The following PTER variants were observed in gnomAD, a reference collection of about 807,000 sequenced individuals.
PTER encodes the protein phosphotriesterase related.
A neutral mutation model predicts 29.6 loss-of-function variants in PTER; 38 were observed. That is an observed-to-expected ratio of 1.28 (90% CI 0.99 to 1.68). The LOEUF is 1.68. Among genes scored for constraint, PTER ranks in the 40% most tolerant of loss-of-function variants. The pLI, the probability that PTER is intolerant of heterozygous loss-of-function variation, is 0.00. For missense variants in PTER, 482 were observed against 427.8 expected (o/e 1.13, Z -1.12); for synonymous variants, 172 against 154.5 (o/e 1.11, Z -0.84).
intron 4 of PTER, among the ~76,000 whole-genome samples, chr10:16,506,627 T>G (rs1298927449): frequency 6.6e-6 from 1 of 152,104 alleles, no homozygotes; most frequent in African/African-American, 2.4e-5. Context: ...GAAAGGATGC[T>G]TTCTCCATGG....
rs537224124 is a variant in PTER, at chr10:16,451,616, G to C, written c.-49+14569G>C. On this transcript the variant is annotated intron_variant, in intron 1 of 4. Transcript: ENST00000535784. ...AATCCCAGCTACTCAGGAGGCTGAG[G>C]CAGGAGAATCACTTGAACCCGGGAG... Among the ~76,000 whole-genome samples, 214 of 152,292 alleles carry C rather than the reference G, an allele frequency of 1.4e-3. 6 individuals carry two copies. The South Asian group carries it at 0.044, about 31-fold the overall frequency.
At chr10:16,440,616 G>C (rs1414112364) in intron 1 of PTER, among the ~76,000 whole-genome samples, 1 of 152,126 alleles carries the variant, frequency 6.6e-6, no homozygotes, top group Non-Finnish European at 1.5e-5. Context: ...CTAACGAAAC[G>C]CAAGTGGAGT....
downstream of PTER, among the ~76,000 whole-genome samples, chr10:16,516,910 G>A (rs58315377): frequency 1.3e-5 from 2 of 152,128 alleles, no homozygotes; most frequent in South Asian, 2.1e-4. Flanking sequence ...ATACTGTACC[G>A]TAAGACTGTC....
In PTER at chr10:16,512,619, GA is replaced by G. The variant is rs1217746696; in HGVS notation, c.*1364del. 6.6e-6 allele frequency: 1 copy of G among 151,966 alleles called. No homozygotes were observed. Among genetic ancestry groups the G allele is most frequent in the Non-Finnish European group, 1.5e-5 (1 of 67,954 alleles). 9.4% of individuals were successfully genotyped at this position (151,966 alleles called of 1,614,324 possible). On this transcript the variant is annotated 3_prime_UTR_variant, in exon 5 of 5. Transcript: ENST00000535784. Reference sequence around the variant, plus strand: ...GGAAGTTGAGCTTTGCTAAATAAAAGATATTTCTGCTGATCAAAGATGATCA... The same window carrying G: ...GGAAGTTGAGCTTTGCTAAATAAAAGTATTTCTGCTGATCAAAGATGATCA...
intron 3 of PTER, among the ~76,000 whole-genome samples, chr10:16,503,956 A>G (rs182112112): frequency 6.6e-6 from 1 of 152,292 alleles, no homozygotes; most frequent in Admixed American, 6.5e-5. Flanking sequence ...CCAATTTCCG[A>G]TCCGAAACGA....
intron 3 of PTER, among the ~76,000 whole-genome samples, chr10:16,491,675 A>G (rs1384459023): frequency 6.6e-6 from 1 of 152,160 alleles, no homozygotes; most frequent in Non-Finnish European, 1.5e-5. Flanking sequence ...AACCAAAAAA[A>G]AAGATCTGAG....
chr10:16,471,562 A>G (rs778573489), intron 1 of PTER, among the ~76,000 whole-genome samples: 1 of 151,828 alleles, frequency 6.6e-6, no homozygotes, highest in Non-Finnish European at 1.5e-5. Context: ...AGATACATAC[A>G]CTCCGTATAA....
chr10:16,501,354 CACACACACACACACAT>C lies in PTER; in HGVS notation c.699-3665_699-3650del, dbSNP rs1285033804. Reference sequence around the variant, plus strand: ...ACACACACACACACACACACACACACACACACACACACACATGCACACACACACACACACACCCCAT... The same window carrying C: ...ACACACACACACACACACACACACACGCACACACACACACACACACCCCAT... On this transcript the variant is annotated intron_variant, in intron 3 of 4. Coordinates refer to ENST00000535784, the MANE Select transcript of PTER (RefSeq NM_001261836.2). Among the ~76,000 whole-genome samples, 928 of 117,496 alleles carry C rather than the reference CACACACACACACACAT, an allele frequency of 7.9e-3. 11 individuals carry two copies. Among genetic ancestry groups the C allele is most frequent in the African/African-American group, 0.03 (830 of 27,694 alleles). The allele number at this position is 117,496 out of a possible 152,430, so 77.1% of individuals were successfully genotyped here. A position where few individuals can be genotyped will look rare whatever the true frequency, so the allele number is the denominator to read the frequency against.
chr10:16,493,518 C>T lies in PTER; in HGVS notation c.698+6901C>T, dbSNP rs149689830. On this transcript the variant is annotated intron_variant, in intron 3 of 4. Coordinates refer to ENST00000535784, the MANE Select transcript of PTER (RefSeq NM_001261836.2). Reference sequence around the variant, plus strand: ...ACTCCTTCCTCAAGTGATCCTCCTGCCTTGGCCTCCCAAAATGCTGGGGTT... The same window carrying T: ...ACTCCTTCCTCAAGTGATCCTCCTGTCTTGGCCTCCCAAAATGCTGGGGTT... Among the ~76,000 whole-genome samples the T allele has an allele frequency of 2.4e-3, 361 of 152,228 alleles. 3 individuals carry two copies. Among genetic ancestry groups the T allele is most frequent in the Middle Eastern group, 0.01 (3 of 294 alleles).
intron 1 of PTER, among the ~76,000 whole-genome samples, chr10:16,453,871 A>G (rs981766803): frequency 6.6e-6 from 1 of 152,206 alleles, no homozygotes. Flanking sequence ...ATCTTTCCAC[A>G]TAGACTCATA....
rs34775265 is a variant in PTER at position 16,484,555 on chromosome 10, A to G, written c.171A>G (p.Leu57=). The G allele has an allele frequency of 3.9e-3, 6,312 of 1,614,086 alleles. 141 individuals are homozygous for G. The African/African-American group carries it at 0.056, about 14-fold the overall frequency. The change falls in exon 2 of 5, where the codon TTA becomes TTG. Residue 57 remains leucine, a synonymous_variant. Coordinates refer to ENST00000535784, the MANE Select transcript of PTER (RefSeq NM_001261836.2). ...AAGAACCTATCGTGATGAAAAATTT[A>G]TATTGGATTCAGAAAAACGCCTATT... The part of the protein sequence containing the change: ...ISKEPIVMKN[L]YWIQKNAYSH...
downstream of PTER, chr10:16,514,573 G>C: frequency 6.2e-7 from 1 of 1,613,822 alleles, no homozygotes; most frequent in Non-Finnish European, 8.5e-7. Context: ...TGTATTTGTT[G>C]TTGTTTCCTC....
At chr10:16,469,635 G>T (rs1834972636) in intron 1 of PTER, among the ~76,000 whole-genome samples, 2 of 152,158 alleles carry the variant, frequency 1.3e-5, no homozygotes, top group South Asian at 4.1e-4. Flanking sequence ...GTTTGTTTCT[G>T]AGAGCATGAA....
intron 1 of PTER, among the ~76,000 whole-genome samples, chr10:16,456,864 G>GC (rs1554787524): frequency 6.8e-6 from 1 of 146,116 alleles, no homozygotes; most frequent in African/African-American, 2.5e-5. Flanking sequence ...GGGGAAGGTG[G>GC]GGGGGGGTTC....
At chr10:16,443,466 T>A (rs192581000) in intron 1 of PTER, among the ~76,000 whole-genome samples, 30 of 152,362 alleles carry the variant, frequency 2.0e-4, no homozygotes, top group African/African-American at 7.0e-4. Flanking sequence ...TGGAAGCTAC[T>A]GTTTTTGGAG....
chr10:16,488,885 T>C (rs556565740), intron 3 of PTER, among the ~76,000 whole-genome samples: 1 of 152,352 alleles, frequency 6.6e-6, no homozygotes, highest in South Asian at 2.1e-4. Flanking sequence ...ACTATAGGCA[T>C]ATGCCATTGT....
intron 1 of PTER, among the ~76,000 whole-genome samples, chr10:16,455,461 CAGG>C (rs1834362255): frequency 6.6e-6 from 1 of 151,190 alleles, no homozygotes; most frequent in Admixed American, 6.6e-5. Context: ...GAGACCGAGT[CAGG>C]AGGATCGTTT....
At chr10:16,485,185 C>T (rs1299469361) in intron 2 of PTER, among the ~76,000 whole-genome samples, 1 of 152,080 alleles carries the variant, frequency 6.6e-6, no homozygotes, top group African/African-American at 2.4e-5. Context: ...GTTATGCTAC[C>T]TCGATTTTTT....
intron 3 of PTER, among the ~76,000 whole-genome samples, chr10:16,501,373 A>ACACACACACG (rs1564408705): frequency 7.0e-6 from 1 of 143,740 alleles, no homozygotes; most frequent in African/African-American, 2.7e-5. Flanking sequence ...ACACACATGC[A>ACACACACACG]CACACACACA....
Sources: gnomAD v4.1 joint callset for allele counts (sites outside exome capture counted in the v4.1 genomes callset) on GRCh38, gnomAD v4.1.1 for gene constraint, MANE v1.5 for transcripts, NCBI Gene and HGNC (gene_info 2026-07-23, HGNC 2026-07-21) for gene names.